KLHL1: variants seen among roughly 807,000 people sequenced by gnomAD.
The protein encoded by KLHL1 is kelch like family member 1.
In KLHL1, 47 loss-of-function variants were observed where a neutral mutation model predicts 77.7. The ratio of observed to expected loss-of-function variants is 0.60; its 90% CI spans 0.48 to 0.77. KLHL1 has a LOEUF of 0.77. Among genes scored for constraint, KLHL1 ranks in the 30% least tolerant of loss-of-function variants. The pLI, the probability that KLHL1 is intolerant of heterozygous loss-of-function variation, is 0.00. For synonymous variants in KLHL1, 360 were observed against 325.2 expected, an observed-to-expected ratio of 1.11 and a Z score of -1.15; for missense variants, 925 against 910.8, an observed-to-expected ratio of 1.02 and a Z score of -0.20.
At chr13:70,027,187 TA>T (rs531370388) in intron 1 of KLHL1, among the ~76,000 whole-genome samples, 1 of 152,280 alleles carries the variant, frequency 6.6e-6, no homozygotes, top group East Asian at 1.9e-4. Context: ...TGGCTGTTTT[TA>T]AAAGTATAAC....
intron 10 of KLHL1, among the ~76,000 whole-genome samples, chr13:69,706,363 C>G (rs1270029616): frequency 6.6e-6 from 1 of 151,794 alleles, no homozygotes; most frequent in Non-Finnish European, 1.5e-5. Flanking sequence ...ATACCTTAGT[C>G]TAGCCATTAG....
intron 4 of KLHL1, among the ~76,000 whole-genome samples, chr13:69,937,659 G>A (rs1186377989): frequency 1.3e-5 from 2 of 152,094 alleles, no homozygotes; most frequent in African/African-American, 4.8e-5. Flanking sequence ...CTGATGCTGA[G>A]CTCGCAATCA....
chr13:70,034,047 C>A lies in KLHL1; in HGVS notation c.498-58245G>T, dbSNP rs149408074. ...ATCACAGCACTTCCCTAAATAGAGT[C>A]AAAAAATAACACTGCTTTAGTTGTT... is the stretch of plus-strand genomic sequence containing the variant. On this transcript the variant is annotated intron_variant, in intron 1 of 10. Transcript: ENST00000377844. 2.4e-3 allele frequency among the ~76,000 whole-genome samples: 360 copies of A among 152,162 alleles called. 3 individuals carry two copies. The highest frequency in any genetic ancestry group is 8.0e-3 in the African/African-American group (333 of 41,530).
intron 1 of KLHL1, among the ~76,000 whole-genome samples, chr13:70,000,133 T>C (rs1032142623): frequency 6.6e-6 from 1 of 151,854 alleles, no homozygotes; most frequent in African/African-American, 2.4e-5. Flanking sequence ...ATGTGACAGG[T>C]TGGTTCCACT....
At chr13:69,920,354 T>A (rs1169861105) in intron 4 of KLHL1, among the ~76,000 whole-genome samples, 2 of 152,136 alleles carry the variant, frequency 1.3e-5, no homozygotes, top group East Asian at 1.9e-4. Context: ...ATCTGAAGCA[T>A]TAATCCATTT....
In KLHL1 at chr13:69,728,649, C is replaced by CAAAAAAAAAA. The variant is rs536317353; in HGVS notation, c.1803-9078_1803-9069dup. 9.3e-3 allele frequency among the ~76,000 whole-genome samples: 1,234 copies of CAAAAAAAAAA among 132,590 alleles called. 6 individuals are homozygous for CAAAAAAAAAA. Among genetic ancestry groups the CAAAAAAAAAA allele is most frequent in the Middle Eastern group, 0.022 (6 of 268 alleles). 87.0% of individuals were successfully genotyped at this position (132,590 alleles called of 152,430 possible). A position where few individuals can be genotyped will look rare whatever the true frequency, so the allele number is the denominator to read the frequency against. ...GAAACCCCGTCTCTACTAAAAATGC[C>CAAAAAAAAAA]AAAAAAAAAAAAGCAAAGTGTGGTG... is the stretch of plus-strand genomic sequence containing the variant. On this transcript the variant is annotated intron_variant, in intron 8 of 10. Coordinates refer to ENST00000377844, the MANE Select transcript of KLHL1 (RefSeq NM_020866.3).
chr13:69,857,881 G>C (rs1566333445), intron 5 of KLHL1, among the ~76,000 whole-genome samples: 1 of 151,508 alleles, frequency 6.6e-6, no homozygotes, highest in Admixed American at 6.6e-5. Context: ...ATTCATTTTA[G>C]CATGAAAAAT....
intron 2 of KLHL1, among the ~76,000 whole-genome samples, chr13:69,964,299 A>G (rs936003149): frequency 2.0e-5 from 3 of 152,150 alleles, no homozygotes; most frequent in East Asian, 1.9e-4. Context: ...GCCTTAGCCT[A>G]CAAAAGTATT....
At chr13:70,101,193 T>C (rs921319235) in intron 1 of KLHL1, among the ~76,000 whole-genome samples, 4 of 152,140 alleles carry the variant, frequency 2.6e-5, no homozygotes, top group African/African-American at 7.2e-5. Context: ...CAATTTGAAA[T>C]AGTACCATAG....
At chr13:69,840,063 TACC>T (rs887131062) in intron 5 of KLHL1, among the ~76,000 whole-genome samples, 38 of 152,060 alleles carry the variant, frequency 2.5e-4, no homozygotes, top group Non-Finnish European at 5.0e-4. Context: ...AAAAAAATTG[TACC>T]ACATCTGTAC....
At chr13:69,780,705 T>TATATATATATATATAC (rs1876110483) in intron 7 of KLHL1, among the ~76,000 whole-genome samples, 1 of 39,884 alleles carries the variant, frequency 2.5e-5, no homozygotes, top group South Asian at 7.2e-4. Flanking sequence ...TATATATGTA[T>TATATATATATATATAC]ATATATATAT....
At chr13:69,850,562 A>T (rs1163980538) in intron 5 of KLHL1, among the ~76,000 whole-genome samples, 3 of 151,540 alleles carry the variant, frequency 2.0e-5, no homozygotes, top group Non-Finnish European at 4.4e-5. Flanking sequence ...CTTGCTTTCC[A>T]TTCCAAAAGC....
chr13:69,723,224 G>A (rs893303296), intron 8 of KLHL1, among the ~76,000 whole-genome samples: 2 of 152,090 alleles, frequency 1.3e-5, no homozygotes, highest in African/African-American at 4.8e-5. Flanking sequence ...GTACAATTTT[G>A]CAGTTAGGAG....
At chr13:69,771,704 T>C (rs1022090144) in intron 7 of KLHL1, among the ~76,000 whole-genome samples, 1 of 152,138 alleles carries the variant, frequency 6.6e-6, no homozygotes, top group African/African-American at 2.4e-5. Context: ...TGCATAGTTT[T>C]TAGATTTGGG....
At position 69,993,629 on chromosome 13, in the gene KLHL1, G is replaced by A. The variant is rs142158962; in HGVS notation, c.498-17827C>T. Among the ~76,000 whole-genome samples, 503 of 152,182 alleles carry A rather than the reference G, an allele frequency of 3.3e-3. 3 individuals are homozygous for A. Among genetic ancestry groups the A allele is most frequent in the African/African-American group, 0.011 (477 of 41,530 alleles). Reference sequence around the variant, plus strand: ...GTTGCCATGCTGACTGTGAATTCCAGGTATATTATTTCTTCCCCTTCTCCC... The same window carrying A: ...GTTGCCATGCTGACTGTGAATTCCAAGTATATTATTTCTTCCCCTTCTCCC... On this transcript the variant is annotated intron_variant, in intron 1 of 10. Transcript: ENST00000377844.
chr13:69,824,413 C>A (rs968557388), intron 6 of KLHL1, among the ~76,000 whole-genome samples: 11 of 151,950 alleles, frequency 7.2e-5, no homozygotes, highest in Non-Finnish European at 1.5e-4. Flanking sequence ...ATGTTTTTTA[C>A]AAGGTGAATG....
intron 6 of KLHL1, among the ~76,000 whole-genome samples, chr13:69,838,294 T>A (rs1438057897): frequency 4.0e-5 from 6 of 151,782 alleles, no homozygotes; most frequent in African/African-American, 1.4e-4. Context: ...ATTATATCAT[T>A]TATTAGAAAC....
intron 4 of KLHL1, among the ~76,000 whole-genome samples, chr13:69,893,395 T>C (rs537118483): frequency 2.2e-4 from 34 of 151,938 alleles, no homozygotes; most frequent in East Asian, 3.9e-4. Context: ...CCACCGCGCC[T>C]GGCTAATTTT....
At chr13:70,055,223 C>G (rs1355746552) in intron 1 of KLHL1, among the ~76,000 whole-genome samples, 1 of 152,042 alleles carries the variant, frequency 6.6e-6, no homozygotes, top group Non-Finnish European at 1.5e-5. Flanking sequence ...CGGCAGCTGA[C>G]TTATCAGTGA....
Sources: gnomAD v4.1 joint callset for allele counts (sites outside exome capture counted in the v4.1 genomes callset) on GRCh38, gnomAD v4.1.1 for gene constraint, MANE v1.5 for transcripts, NCBI Gene and HGNC (gene_info 2026-07-23, HGNC 2026-07-21) for gene names.